Variants in AKAP11 observed in about 807,000 individuals in gnomAD.
AKAP11 encodes the protein A-kinase anchoring protein 11, also known as A-kinase anchor protein 11.
Under a neutral mutation model 146.1 loss-of-function variants are expected in AKAP11, and 36 were observed. That is an observed-to-expected ratio of 0.25 (90% CI 0.19 to 0.33). The LOEUF (loss-of-function observed/expected upper bound fraction) is 0.33. Among genes scored for constraint, AKAP11 ranks in the 10% least tolerant of loss-of-function variants. The pLI is 1.00. For missense variants in AKAP11, 2,201 were observed against 2,197.0 expected (o/e 1.00, Z -0.04); for synonymous variants, 780 against 786.5 (o/e 0.99, Z 0.14).
chr13:42,302,935 C>T lies in AKAP11; in HGVS notation c.4189C>T (p.Pro1397Ser), dbSNP rs1960028416. 1.9e-6 allele frequency: 3 copies of T among 1,613,730 alleles called. No homozygotes were observed. The highest frequency in any genetic ancestry group is 4.5e-5 in the East Asian group (2 of 44,846). ...TKVQCNSRMF[P>S]VPSSQVKTNK... ...AGTGCAGTGCAACTCAAGAATGTTCCCTGTGCCAAGTTCACAAGTGAAAAC... is the reference window on the plus strand; with the variant it reads ...AGTGCAGTGCAACTCAAGAATGTTCTCTGTGCCAAGTTCACAAGTGAAAAC... The change falls in exon 8 of 13, where the codon CCT (proline) becomes TCT (serine). Residue 1397 changes from proline (P) to serine (S), a missense_variant. By Grantham distance (74) the Pro-to-Ser change is moderately conservative (BLOSUM62 -1). Transcript: ENST00000025301.
chr13:42,274,954 ATAG>A (rs909932018), intron 1 of AKAP11, among the ~76,000 whole-genome samples: 3 of 152,252 alleles, frequency 2.0e-5, no homozygotes, highest in Non-Finnish European at 2.9e-5. Flanking sequence ...TGCGAAGCAC[ATAG>A]TAGCTGCTTA....
At position 42,303,044 on chromosome 13, in the gene AKAP11, A is replaced by G; in HGVS notation, c.4298A>G (p.Tyr1433Cys). The G allele has an allele frequency of 1.2e-6, 2 of 1,613,044 alleles. No homozygotes were observed. The highest frequency in any genetic ancestry group is 1.7e-6 in the Non-Finnish European group (2 of 1,179,828). ...AGACAAAGTAAAAGAAATGAAGGTTACTTTTGTAAAAATCAAACTTGTGAA... is the reference window on the plus strand; with the variant it reads ...AGACAAAGTAAAAGAAATGAAGGTTGCTTTTGTAAAAATCAAACTTGTGAA... ...KKRQSKRNEGYFCKNQTCERT... is the reference protein window; with the variant it reads ...KKRQSKRNEGCFCKNQTCERT... The change falls in exon 8 of 13, where the codon TAC (tyrosine) becomes TGC (cysteine). Residue 1433 changes from tyrosine to cysteine, a missense_variant. Tyr to Cys is a radical substitution (Grantham distance 194). Transcript: ENST00000025301.
rs774540170 is a variant in AKAP11 at position 42,299,525 on chromosome 13, A to T, written c.779A>T (p.Glu260Val). The T allele has an allele frequency of 3.7e-6, 6 of 1,613,994 alleles. No homozygotes were observed. The Admixed American group carries it at 8.3e-5, about 22-fold the overall frequency. The change falls in exon 8 of 13, where the codon GAA becomes GTA. Residue 260 changes from glutamate to valine, a missense_variant. Physicochemically the swap from Glu to Val is moderately radical, Grantham distance 121. This residue lies in a region of AKAP11 where 331 missense variants were observed against 347.4 expected (regional missense o/e 0.95). Coordinates refer to ENST00000025301, the MANE Select transcript of AKAP11 (RefSeq NM_016248.4). ...TCAGTGAATGTCCTGGGACATAAAG[A>T]ACTACCTTCTGTGAAAACTTCAGTC... ...TSSVNVLGHK[E>V]LPSVKTSVTT...
chr13:42,274,903 A>G (rs1411720912), intron 1 of AKAP11, among the ~76,000 whole-genome samples: 1 of 152,262 alleles, frequency 6.6e-6, no homozygotes, highest in African/African-American at 2.4e-5. Context: ...TCTATTAATT[A>G]AATGAGCCTC....
intron 3 of AKAP11, among the ~76,000 whole-genome samples, chr13:42,289,237 A>G (rs976155422): frequency 2.0e-4 from 30 of 152,190 alleles, no homozygotes; most frequent in African/African-American, 7.2e-4. Flanking sequence ...GCTGGTATTA[A>G]AGAAAAGCTT....
At chr13:42,304,021 A>G (rs1218231021) in intron 8 of AKAP11, among the ~76,000 whole-genome samples, 158 bp downstream of exon 8, 1 of 152,218 alleles carries the variant, frequency 6.6e-6, no homozygotes, top group Non-Finnish European at 1.5e-5. Context: ...TATCCTACAC[A>G]TGACTTTAAT....
At position 42,301,008 on chromosome 13, in the gene AKAP11, A is replaced by G. The variant is rs558898327; in HGVS notation, c.2262A>G (p.Thr754=). The G allele has an allele frequency of 6.2e-7, 1 of 1,614,146 alleles. No individual in the cohort carries two copies. The highest frequency in any genetic ancestry group is 2.2e-5 in the East Asian group (1 of 44,888). ...TTCACAATCAAGCAATTATGGTGAC[A>G]AAACCAGTGCAGGAATATAAAAAGG... ...PSFHNQAIMV[T]KPVQEYKKEY... The change falls in exon 8 of 13, where the codon ACA becomes ACG. Residue 754 remains threonine, a synonymous_variant. Transcript: ENST00000025301.
chr13:42,274,010 C>T (rs879734563), intron 1 of AKAP11, among the ~76,000 whole-genome samples: 47 of 152,204 alleles, frequency 3.1e-4, no homozygotes, highest in Admixed American at 1.8e-3. Context: ...CTTCTTACTC[C>T]ATCTTAGCAA....
intron 1 of AKAP11, among the ~76,000 whole-genome samples, chr13:42,284,252 G>A (rs1052791835): frequency 1.3e-5 from 2 of 152,210 alleles, no homozygotes; most frequent in African/African-American, 4.8e-5. Flanking sequence ...ATCATTATTT[G>A]CTTTGATGCA....
chr13:42,278,473 T>C (rs1464620745), intron 1 of AKAP11, among the ~76,000 whole-genome samples: 1 of 152,218 alleles, frequency 6.6e-6, no homozygotes, highest in Non-Finnish European at 1.5e-5. Flanking sequence ...TTCTAGTGTT[T>C]GTGTTAGGGT....
At position 42,301,229 on chromosome 13, in the gene AKAP11, A is replaced by T. The variant is rs767963702; in HGVS notation, c.2483A>T (p.Glu828Val). 1 of 1,614,028 alleles carries T rather than the reference A, an allele frequency of 6.2e-7. No individual in the cohort carries two copies. The highest frequency in any genetic ancestry group is 8.5e-7 in the Non-Finnish European group (1 of 1,179,964). The change falls in exon 8 of 13, where the codon GAA becomes GTA. Residue 828 changes from glutamate to valine, a missense_variant. Glu to Val is a moderately radical substitution (Grantham distance 121). Transcript: ENST00000025301. ...CATATTGCCACAAAAAACAGAGAAG[A>T]AAAAGCAGCTTGTCTCAGAAATATT... Reference protein sequence around the residue: ...QVHIATKNREEKAACLRNICL... With the variant: ...QVHIATKNREVKAACLRNICL...
rs145916846 is a variant in AKAP11 at position 42,294,476 on chromosome 13, C to A, written c.169-1219C>A. 2.3e-3 allele frequency among the ~76,000 whole-genome samples: 357 copies of A among 152,122 alleles called. 4 individuals carry two copies. The highest frequency in any genetic ancestry group is 8.1e-3 in the African/African-American group (336 of 41,492). Reference sequence around the variant, plus strand: ...GGAGTGCAGTGGCGTGATTTCAGCTCATTGCAACCTCCACCTCCAGGGTTC... The same window carrying A: ...GGAGTGCAGTGGCGTGATTTCAGCTAATTGCAACCTCCACCTCCAGGGTTC... On this transcript the variant is annotated intron_variant, in intron 4 of 12. Transcript: ENST00000025301.
At chr13:42,282,669 A>G (rs146050720) in intron 1 of AKAP11, among the ~76,000 whole-genome samples, 2,568 of 152,080 alleles carry the variant, frequency 0.017, 47 homozygotes, top group Middle Eastern at 0.078. Flanking sequence ...CATTGTTTTT[A>G]GCAATGTCTG....
At position 42,301,727 on chromosome 13, in the gene AKAP11, A is replaced by G. The variant is rs1454488055; in HGVS notation, c.2981A>G (p.Gln994Arg). 7 of 1,614,072 alleles carry G rather than the reference A, an allele frequency of 4.3e-6. No homozygotes were observed. The highest frequency in any genetic ancestry group is 1.1e-5 in the South Asian group (1 of 91,088). The change falls in exon 8 of 13, where the codon CAG becomes CGG. Residue 994 changes from glutamine to arginine, a missense_variant. Around this residue, in one of 3 missense-constraint regions of AKAP11, gnomAD observed 1,867 missense variants for 1,833.5 expected, o/e 1.02. Transcript: ENST00000025301. The stretch of plus-strand genomic sequence containing the variant: ...CCCAAATTTCCTGACTCTCAGAATC[A>G]GTTAACTCACTGCTCACTTTCAGCT... ...KSPKFPDSQN[Q>R]LTHCSLSAAK...
chr13:42,299,977 A>G lies in AKAP11; in HGVS notation c.1231A>G (p.Asn411Asp), dbSNP rs1302815468. 5 of 1,613,834 alleles carry G rather than the reference A, an allele frequency of 3.1e-6. No homozygotes were observed. In the African/African-American group the frequency reaches 4.0e-5, roughly 13 times the overall value. ...GTTTGATCGTCCAGCTCTCCCAGCT[A>G]ATGTTAGAAAGCCAACTCCTCGTAA... ...FKFDRPALPA[N>D]VRKPTPRKPE... is the part of the protein sequence containing the mutation. Residue 411 changes from asparagine (N) to aspartate (D), a missense_variant, in exon 8 of 13, where the codon AAT becomes GAT. Asn to Asp is a conservative substitution (Grantham distance 23). Transcript: ENST00000025301.
chr13:42,303,757 C>T lies in AKAP11; in HGVS notation c.5011C>T (p.Leu1671=), dbSNP rs747324743. ...KAERELSSTS[L]AADSGIGQEG... ...TGAGCGAGAGCTGAGCAGTACCAGCCTGGCAGCCGACAGTGGGATCGGACA... is the reference window on the plus strand; with the variant it reads ...TGAGCGAGAGCTGAGCAGTACCAGCTTGGCAGCCGACAGTGGGATCGGACA... Residue 1671 remains leucine, a synonymous_variant, in exon 8 of 13, where the codon CTG becomes TTG. Transcript: ENST00000025301. 3 of 1,614,132 alleles carry T rather than the reference C, an allele frequency of 1.9e-6. No homozygotes were observed. The South Asian group carries it at 3.3e-5, about 18-fold the overall frequency.
intron 1 of AKAP11, among the ~76,000 whole-genome samples, chr13:42,274,960 G>A (rs1958878645): frequency 6.6e-6 from 1 of 152,178 alleles, no homozygotes; most frequent in African/African-American, 2.4e-5. Flanking sequence ...GCACATAGTA[G>A]CTGCTTACTC....
intron 1 of AKAP11, among the ~76,000 whole-genome samples, chr13:42,282,711 C>A (rs556788623): frequency 6.6e-6 from 1 of 152,198 alleles, no homozygotes; most frequent in Admixed American, 6.5e-5. Context: ...AAGGGGATTT[C>A]ATTTGTTTAG....
intron 3 of AKAP11, among the ~76,000 whole-genome samples, chr13:42,290,580 T>C (rs1013286669): frequency 2.6e-5 from 4 of 152,230 alleles, no homozygotes; most frequent in African/African-American, 9.6e-5. Context: ...AACTTTGTCA[T>C]TCTGTCCATA....
Sources: allele counts gnomAD v4.1 joint callset (sites outside exome capture counted in the v4.1 genomes callset), GRCh38; gene constraint gnomAD v4.1.1; regional missense constraint gnomAD v4.1.1; transcripts MANE v1.5; gene names NCBI Gene and HGNC (gene_info 2026-07-23, HGNC 2026-07-21).